Variants in ADAM22 observed in about 807,000 individuals in gnomAD.
ADAM22 encodes the protein disintegrin and metalloproteinase domain-containing protein 22.
A neutral mutation model predicts 144.6 loss-of-function variants in ADAM22; 65 were observed. The observed-to-expected ratio is 0.45, with a 90% CI of 0.37 to 0.55. ADAM22 has a LOEUF of 0.55. Among genes scored for constraint, ADAM22 ranks in the 20% least tolerant of loss-of-function variants. ADAM22 has a pLI of 0.00. For missense variants in ADAM22, 974 were observed against 1,184.9 expected (o/e 0.82, Z 2.61); for synonymous variants, 391 against 412.6 (o/e 0.95, Z 0.63).
At chr7:87,982,064 T>C (rs1688892) in intron 3 of ADAM22, among the ~76,000 whole-genome samples, 9,997 of 78,176 alleles carry the variant, frequency 0.13, 497 homozygotes, top group Non-Finnish European at 0.16. Flanking sequence ...TATATATATA[T>C]ATATACACAC....
chr7:87,994,165 CTTT>C (rs1163356524), intron 3 of ADAM22, among the ~76,000 whole-genome samples: 3 of 143,378 alleles, frequency 2.1e-5, no homozygotes, highest in Admixed American at 7.0e-5. Context: ...ACTGTCATTC[CTTT>C]TTTTTTTTTT....
At chr7:87,993,025 T>A (rs1490829741) in intron 3 of ADAM22, among the ~76,000 whole-genome samples, 2 of 152,160 alleles carry the variant, frequency 1.3e-5, no homozygotes, top group Non-Finnish European at 2.9e-5. Flanking sequence ...TTTCCCCGTA[T>A]CATATAGGAG....
At chr7:87,998,486 G>C (rs140448385) in intron 3 of ADAM22, among the ~76,000 whole-genome samples, 2,677 of 152,192 alleles carry the variant, frequency 0.018, 32 homozygotes, top group Non-Finnish European at 0.026. Context: ...CGCCTCCCAG[G>C]TGCAGGTGAT....
rs1480658555 is a variant in ADAM22 at position 88,199,114 on chromosome 7, C to T, written c.*2623C>T. On this transcript the variant is annotated 3_prime_UTR_variant, in exon 32 of 32. Coordinates refer to ENST00000413139, the MANE Select transcript of ADAM22 (RefSeq NM_001324418.2). The stretch of plus-strand genomic sequence containing the variant: ...TTACATCTAAATATTTATGACTTTT[C>T]ATCCACCGAGGTAGGTAGCATTAAA... 6.6e-6 allele frequency: 1 copy of T among 152,182 alleles called. No homozygotes were observed. The highest frequency in any genetic ancestry group is 1.5e-5 in the Non-Finnish European group (1 of 68,040). The allele number at this position is 152,182 out of a possible 1,614,324, so 9.4% of individuals were successfully genotyped here.
At chr7:88,007,179 T>A (rs2129458430) in intron 3 of ADAM22, among the ~76,000 whole-genome samples, 1 of 152,240 alleles carries the variant, frequency 6.6e-6, no homozygotes, top group East Asian at 1.9e-4. Flanking sequence ...TACTTAGGAA[T>A]CCAACTTACA....
At chr7:88,046,932 T>G (rs1804839585) in intron 3 of ADAM22, among the ~76,000 whole-genome samples, 1 of 152,186 alleles carries the variant, frequency 6.6e-6, no homozygotes. Flanking sequence ...AATAGTGGAA[T>G]GTGGTTGTTC....
chr7:88,053,151 C>G (rs1335690828), intron 3 of ADAM22, among the ~76,000 whole-genome samples: 1 of 152,054 alleles, frequency 6.6e-6, no homozygotes, highest in Non-Finnish European at 1.5e-5. Flanking sequence ...TGAATATACA[C>G]AGACACACAG....
rs1797978611 is a variant in ADAM22 at position 88,022,149 on chromosome 7, G to A, written c.323+43737G>A. On this transcript the variant is annotated intron_variant, in intron 3 of 31. Coordinates refer to ENST00000413139, the MANE Select transcript of ADAM22 (RefSeq NM_001324418.2). ...AACCTCAAGTGATCCTCCTGCCTCAGCCTCCCAAAGTGCTAGGATTACAGG... is the reference window on the plus strand; with the variant it reads ...AACCTCAAGTGATCCTCCTGCCTCAACCTCCCAAAGTGCTAGGATTACAGG... Among the ~76,000 whole-genome samples the A allele has an allele frequency of 2.6e-5, 4 of 151,806 alleles. No homozygotes were observed. In the South Asian group the frequency reaches 8.3e-4, roughly 32 times the overall value.
At chr7:87,936,779 A>G (rs1841334565) in intron 2 of ADAM22, among the ~76,000 whole-genome samples, 1 of 151,638 alleles carries the variant, frequency 6.6e-6, no homozygotes, top group Admixed American at 6.6e-5. Context: ...CTGTTTTTCA[A>G]ATTTCCAGTT....
intron 3 of ADAM22, among the ~76,000 whole-genome samples, chr7:87,998,037 C>T (rs1018160793): frequency 2.0e-5 from 3 of 152,136 alleles, no homozygotes; most frequent in Non-Finnish European, 4.4e-5. Context: ...TGGTGTATGT[C>T]CAAGGGTCCA....
chr7:88,023,298 T>C (rs1343749269), intron 3 of ADAM22, among the ~76,000 whole-genome samples: 1 of 152,226 alleles, frequency 6.6e-6, no homozygotes, highest in Non-Finnish European at 1.5e-5. Context: ...GGTGTATATA[T>C]TCAAGGATTA....
intron 2 of ADAM22, among the ~76,000 whole-genome samples, chr7:87,956,234 G>A (rs1846697898): frequency 6.6e-6 from 1 of 152,162 alleles, no homozygotes; most frequent in Non-Finnish European, 1.5e-5. Context: ...CACGCTGGGA[G>A]CTGTAGACCG....
At chr7:88,186,817 G>T (rs768512530) in intron 30 of ADAM22, 116 bp downstream of exon 30, 366 of 654,708 alleles carry the variant, frequency 5.6e-4, no homozygotes, top group Non-Finnish European at 8.5e-4. Context: ...TAGGTGGAAA[G>T]GGGTCCTTGT....
chr7:88,132,464 T>C (rs886993373), intron 11 of ADAM22: 1 of 154,584 alleles, frequency 6.5e-6, no homozygotes, highest in Non-Finnish European at 1.4e-5. Context: ...TTTCCTCAGC[T>C]TTCCTTTGTC....
At chr7:88,186,004 T>G (rs1237171616) in intron 29 of ADAM22, 1 of 152,740 alleles carries the variant, frequency 6.5e-6, no homozygotes, top group Non-Finnish European at 1.5e-5. Flanking sequence ...GACCACACAA[T>G]GTGCATTGAG....
intron 22 of ADAM22, among the ~76,000 whole-genome samples, chr7:88,158,112 G>T (rs1255817041): frequency 6.6e-6 from 1 of 152,090 alleles, no homozygotes; most frequent in Non-Finnish European, 1.5e-5. Context: ...CCTAATTTCA[G>T]ACAAAACAGA....
chr7:88,123,223 G>A (rs1342947382), intron 7 of ADAM22, among the ~76,000 whole-genome samples: 1 of 151,920 alleles, frequency 6.6e-6, no homozygotes, highest in Non-Finnish European at 1.5e-5. Context: ...TTGGACTGTA[G>A]TTTTCTTTTC....
In ADAM22 at chr7:88,071,565, A is replaced by C. The variant is rs1812825953; in HGVS notation, c.324-4061A>C. ...CCAAACCTTTGTATAATACTGTACG[A>C]GCTGTCTCTGATTCATGACAGTTGC... On this transcript the variant is annotated intron_variant, in intron 3 of 31. Transcript: ENST00000413139. 2.6e-5 allele frequency among the ~76,000 whole-genome samples: 4 copies of C among 152,062 alleles called. 1 individual carries two copies. In the South Asian group the frequency reaches 8.3e-4, roughly 32 times the overall value.
rs373981946 is a variant in ADAM22, at chr7:87,934,473, C to T, written c.8C>T (p.Ala3Val). 7 of 1,599,890 alleles carry T rather than the reference C, an allele frequency of 4.4e-6. No individual in the cohort carries two copies. Among genetic ancestry groups the T allele is most frequent in the Non-Finnish European group, 4.2e-6 (5 of 1,176,546 alleles). ...CGGGCTGACGGCAGCACCATGCAGG[C>T]GGCAGTGGCTGTGTCCGTGCCCTTC... is the stretch of plus-strand genomic sequence containing the variant. MQ[A>V]AVAVSVPFLL... Residue 3 changes from alanine (A) to valine (V), a missense_variant, in exon 1 of 32, where the codon GCG becomes GTG. Ala to Val is a moderately conservative substitution (Grantham distance 64, BLOSUM62 0). Transcript: ENST00000413139.
Sources: gnomAD v4.1 joint callset for allele counts (sites outside exome capture counted in the v4.1 genomes callset) on GRCh38, gnomAD v4.1.1 for gene constraint, MANE v1.5 for transcripts, NCBI Gene and HGNC (gene_info 2026-07-23, HGNC 2026-07-21) for gene names.